Variants in VANGL1 observed in about 807,000 individuals in gnomAD.
The protein encoded by VANGL1 is vang-like protein 1.
Under a neutral mutation model 48.4 loss-of-function variants are expected in VANGL1, and 18 were observed. The ratio of observed to expected loss-of-function variants is 0.37; its 90% confidence interval spans 0.26 to 0.55. VANGL1 has a LOEUF of 0.55. Among genes scored for constraint, VANGL1 ranks in the 20% least tolerant of loss-of-function variants. The pLI is 0.81. For missense variants in VANGL1, 667 were observed against 675.8 expected, an observed-to-expected ratio of 0.99 and a Z score of 0.14; for synonymous variants, 257 against 261.8, an observed-to-expected ratio of 0.98 and a Z score of 0.18.
intron 7 of VANGL1, among the ~76,000 whole-genome samples, chr1:115,686,986 A>G (rs961373301): frequency 1.5e-5 from 2 of 133,210 alleles, no homozygotes; most frequent in African/African-American, 5.7e-5. Flanking sequence ...CATGTGGTAC[A>G]TGTGTAACAT....
chr1:115,668,417 C>T (rs2101011058), intron 4 of VANGL1, among the ~76,000 whole-genome samples: 1 of 152,342 alleles, frequency 6.6e-6, no homozygotes, highest in Non-Finnish European at 1.5e-5. Context: ...TCCTTAGCTC[C>T]ACTGGTTATT....
chr1:115,655,230 G>A (rs1269941561), intron 2 of VANGL1, among the ~76,000 whole-genome samples: 3 of 152,192 alleles, frequency 2.0e-5, no homozygotes, highest in African/African-American at 7.2e-5. Flanking sequence ...AGGAGTAACC[G>A]GTGGGGCCAG....
chr1:115,681,630 C>T (rs1489476861), intron 4 of VANGL1, among the ~76,000 whole-genome samples: 1 of 151,534 alleles, frequency 6.6e-6, no homozygotes, highest in Non-Finnish European at 1.5e-5. Context: ...TTTCAGCCTC[C>T]CGAGTAGCTG....
Position 115,691,352 on chromosome 1 carries a change from T to G in VANGL1, c.1548T>G (p.Leu516=), listed in dbSNP as rs748189248. 40 of 1,614,030 alleles carry G rather than the reference T, an allele frequency of 2.5e-5. No individual in the cohort carries two copies. The highest frequency in any genetic ancestry group is 3.1e-5 in the Non-Finnish European group (36 of 1,180,042). ...FIDPKSHKFV[L]RLQSETSV The stretch of plus-strand genomic sequence containing the variant: ...ACCCCAAATCTCACAAATTTGTCCT[T>G]CGCTTACAGTCTGAGACATCCGTTT... The change falls in exon 8 of 8, where the codon CTT becomes CTG. Residue 516 remains leucine (L), a synonymous_variant. Coordinates refer to ENST00000355485, the MANE Select transcript of VANGL1 (RefSeq NM_138959.3).
At chr1:115,653,895 A>G (rs548682949) in intron 2 of VANGL1, among the ~76,000 whole-genome samples, 8 of 152,174 alleles carry the variant, frequency 5.3e-5, no homozygotes, top group Non-Finnish European at 8.8e-5. Flanking sequence ...GGTGCACTCC[A>G]TGGGTTCTTT....
chr1:115,677,257 C>A (rs1653202487), intron 4 of VANGL1, among the ~76,000 whole-genome samples: 1 of 152,188 alleles, frequency 6.6e-6, no homozygotes, highest in Non-Finnish European at 1.5e-5. Context: ...GAAATGTAGC[C>A]CAAGGGCAAG....
In VANGL1 at chr1:115,691,821, T is replaced by C. The variant is rs929498480; in HGVS notation, c.*442T>C. The C allele has an allele frequency of 2.9e-5, 5 of 172,214 alleles. No homozygotes were observed. The highest frequency in any genetic ancestry group is 9.6e-5 in the African/African-American group (4 of 41,682). 10.7% of individuals were successfully genotyped at this position (172,214 alleles called of 1,614,324 possible). On this transcript the variant is annotated 3_prime_UTR_variant, in exon 8 of 8. Transcript: ENST00000355485. ...ACACGTCCACATATGTATTTGTGTA[T>C]GTTAATGTCCAGTATCACATCACCC...
At position 115,691,529 on chromosome 1, in the gene VANGL1, C is replaced by G; in HGVS notation, c.*150C>G. 1 of 903,456 alleles carries G rather than the reference C, an allele frequency of 1.1e-6. No homozygotes were observed. The highest frequency in any genetic ancestry group is 1.6e-6 in the Non-Finnish European group (1 of 622,360). 56.0% of individuals were successfully genotyped at this position (903,456 alleles called of 1,614,324 possible). On this transcript the variant is annotated 3_prime_UTR_variant, in exon 8 of 8. Coordinates refer to ENST00000355485, the MANE Select transcript of VANGL1 (RefSeq NM_138959.3). ...GACCAGTATCCTTTGACCATCTGCA[C>G]TTTATTTGGAAGGAAGCAGGGGCTG...
chr1:115,673,937 C>A (rs1653075755), intron 4 of VANGL1, among the ~76,000 whole-genome samples: 1 of 152,102 alleles, frequency 6.6e-6, no homozygotes, highest in Admixed American at 6.6e-5. Flanking sequence ...ATGACTCTAC[C>A]TTAACTAAAC....
chr1:115,666,348 T>A (rs1171211153), intron 4 of VANGL1, among the ~76,000 whole-genome samples: 1 of 152,186 alleles, frequency 6.6e-6, no homozygotes, highest in Non-Finnish European at 1.5e-5. Flanking sequence ...AGCTGCACAC[T>A]GCATCTGAGT....
rs886045116 is a variant in VANGL1, at chr1:115,641,975, AGCG to A, written c.-235_-233del. On this transcript the variant is annotated 5_prime_UTR_variant, in exon 1 of 8. Coordinates refer to ENST00000355485, the MANE Select transcript of VANGL1 (RefSeq NM_138959.3). ...GACAGGAAGCGGAAAGCAGCAGTGCAGCGGCGGCGGCGGCGGGGCTCTGCCTCT... is the reference window on the plus strand; with the variant it reads ...GACAGGAAGCGGAAAGCAGCAGTGCAGCGGCGGCGGCGGGGCTCTGCCTCT... 3.3e-5 allele frequency: 5 copies of A among 151,166 alleles called. No homozygotes were observed. The highest frequency in any genetic ancestry group is 3.6e-4 in the South Asian group (2 of 5,488). The allele number at this position is 151,166 out of a possible 1,614,324, so 9.4% of individuals were successfully genotyped here.
intron 2 of VANGL1, among the ~76,000 whole-genome samples, chr1:115,654,209 G>A (rs1161668722): frequency 6.6e-6 from 1 of 152,110 alleles, no homozygotes; most frequent in Non-Finnish European, 1.5e-5. Flanking sequence ...ATGCTCTTTG[G>A]TAATTTTAGT....
At chr1:115,664,984 G>A (rs1479305583) in intron 4 of VANGL1, among the ~76,000 whole-genome samples, 1 of 152,150 alleles carries the variant, frequency 6.6e-6, no homozygotes, top group Non-Finnish European at 1.5e-5. Flanking sequence ...CGTGACCTAG[G>A]TATTATTAAT....
intron 2 of VANGL1, among the ~76,000 whole-genome samples, chr1:115,654,290 T>C (rs986861459): frequency 6.6e-6 from 1 of 151,940 alleles, no homozygotes; most frequent in African/African-American, 2.4e-5. Flanking sequence ...ATGATCATCT[T>C]AGAAGACTGG....
At chr1:115,646,807 G>A in intron 1 of VANGL1, among the ~76,000 whole-genome samples, 1 of 152,148 alleles carries the variant, frequency 6.6e-6, no homozygotes, top group Non-Finnish European at 1.5e-5. Context: ...ACTGGAAGTT[G>A]GATAGAAAGG....
chr1:115,673,257 C>T (rs1653048269), intron 4 of VANGL1, among the ~76,000 whole-genome samples: 2 of 152,198 alleles, frequency 1.3e-5, no homozygotes, highest in Non-Finnish European at 2.9e-5. Flanking sequence ...TCTGCAGCCT[C>T]CATTACCATT....
At chr1:115,662,211 C>A (rs780203510) in intron 3 of VANGL1, among the ~76,000 whole-genome samples, 4 of 127,668 alleles carry the variant, frequency 3.1e-5, no homozygotes, top group Non-Finnish European at 7.0e-5. Flanking sequence ...CCATACATTT[C>A]ATAAATCATG....
intron 3 of VANGL1, among the ~76,000 whole-genome samples, chr1:115,660,395 C>T (rs6659181): frequency 0.12 from 17,558 of 152,156 alleles, 1,230 homozygotes; most frequent in South Asian, 0.32. Flanking sequence ...GCTCCAGACA[C>T]CTACTGTTGC....
At chr1:115,664,385 C>G in intron 4 of VANGL1, 117 bp downstream of exon 4, 2 of 1,458,656 alleles carry the variant, frequency 1.4e-6, no homozygotes, top group Non-Finnish European at 1.8e-6. Flanking sequence ...GAGTCTGACT[C>G]TTTTCTGGTT....
Sources: allele counts gnomAD v4.1 joint callset (sites outside exome capture counted in the v4.1 genomes callset), GRCh38; gene constraint gnomAD v4.1.1; transcripts MANE v1.5; gene names NCBI Gene and HGNC (gene_info 2026-07-23, HGNC 2026-07-21).